The following GUCY2C variants were observed in gnomAD, a reference collection of about 807,000 sequenced individuals.
GUCY2C encodes guanylate cyclase 2C, also known as guanylyl cyclase C.
A neutral mutation model predicts 131.1 loss-of-function variants in GUCY2C; 118 were observed. That is an observed-to-expected ratio of 0.90 (90% confidence interval 0.78 to 1.05). GUCY2C has a LOEUF of 1.05. Among genes scored for constraint, GUCY2C ranks in the 50% least tolerant of loss-of-function variants. GUCY2C has a pLI of 0.00. For synonymous variants in GUCY2C, 452 were observed against 457.8 expected, an observed-to-expected ratio of 0.99 and a Z score of 0.16; for missense variants, 1,161 against 1,304.4, an observed-to-expected ratio of 0.89 and a Z score of 1.69.
chr12:14,638,860 G>C (rs895645744), intron 19 of GUCY2C, among the ~76,000 whole-genome samples: 3 of 152,158 alleles, frequency 2.0e-5, no homozygotes, highest in Non-Finnish European at 2.9e-5. Flanking sequence ...GAGAGGACTT[G>C]AAATGTTCCC....
Position 14,669,724 on chromosome 12 carries a change from C to G in GUCY2C, c.1280G>C (p.Arg427Pro). 1 of 1,485,178 alleles carries G rather than the reference C, an allele frequency of 6.7e-7. No individual in the cohort carries two copies. Among genetic ancestry groups the G allele is most frequent in the South Asian group, 1.2e-5 (1 of 85,854 alleles). The allele number at this position is 1,485,178 out of a possible 1,614,324, so 92.0% of individuals were successfully genotyped here. A position where few individuals can be genotyped will look rare whatever the true frequency, so the allele number is the denominator to read the frequency against. ...NSKLPNDITG[R>P]GPQILMIAVF... is the part of the protein sequence containing the mutation. ...AAAATTCATTAGGGATATCTTACCC[C>G]GGCCTGTAATATCATTAGGAAGTTT... The change falls in exon 10 of 27, where the codon CGG (arginine) becomes CCG (proline). Residue 427 changes from arginine (R) to proline (P), a missense_variant and splice_region_variant. Transcript: ENST00000261170.
intron 12 of GUCY2C, among the ~76,000 whole-genome samples, chr12:14,655,212 T>C (rs1947739855): frequency 6.6e-6 from 1 of 152,264 alleles, no homozygotes; most frequent in Non-Finnish European, 1.5e-5. Context: ...TCCAGTGTTT[T>C]TCTTTTAACA....
chr12:14,638,506 A>G (rs1370075290), intron 19 of GUCY2C, among the ~76,000 whole-genome samples: 1 of 152,238 alleles, frequency 6.6e-6, no homozygotes. Context: ...AAAATGCAGG[A>G]TGTGTACACA....
intron 15 of GUCY2C, among the ~76,000 whole-genome samples, chr12:14,650,082 G>T (rs969192512): frequency 5.9e-5 from 9 of 151,984 alleles, no homozygotes; most frequent in Non-Finnish European, 1.2e-4. Flanking sequence ...GAAGTGAAAG[G>T]CTTGTATGCT....
At chr12:14,694,041 G>C (rs2137116424) in intron 1 of GUCY2C, among the ~76,000 whole-genome samples, 1 of 152,350 alleles carries the variant, frequency 6.6e-6, no homozygotes, top group East Asian at 1.9e-4. Context: ...GTTTCAGTCA[G>C]TGAAGGAGGT....
chr12:14,653,387 G>A (rs1947704687), intron 12 of GUCY2C, among the ~76,000 whole-genome samples: 1 of 152,212 alleles, frequency 6.6e-6, no homozygotes, highest in Non-Finnish European at 1.5e-5. Context: ...GCACACTCAT[G>A]CCTAAAGGCC....
chr12:14,661,588 G>A (rs1380598027), intron 10 of GUCY2C, among the ~76,000 whole-genome samples: 2 of 151,908 alleles, frequency 1.3e-5, no homozygotes, highest in Non-Finnish European at 2.9e-5. Context: ...ACAGGTGTGC[G>A]CCACCATGCC....
intron 21 of GUCY2C, 88 bp from the exon 22 acceptor site, chr12:14,622,285 T>A: frequency 1.3e-6 from 1 of 760,060 alleles, no homozygotes. Context: ...AGTGATTGTC[T>A]ACCAAGAATT....
intron 19 of GUCY2C, among the ~76,000 whole-genome samples, chr12:14,629,749 A>G (rs1947102292): frequency 6.6e-6 from 1 of 152,236 alleles, no homozygotes; most frequent in Admixed American, 6.5e-5. Context: ...ATAGCAAACA[A>G]TAGTATCACC....
chr12:14,674,347 C>T (rs1948180946), intron 8 of GUCY2C: 3 of 454,096 alleles, frequency 6.6e-6, no homozygotes, highest in Non-Finnish European at 1.2e-5. Flanking sequence ...CATTACTGCT[C>T]AAAATGCCTT....
chr12:14,680,561 C>T (rs538901478), intron 5 of GUCY2C, among the ~76,000 whole-genome samples: 1 of 152,162 alleles, frequency 6.6e-6, no homozygotes, highest in African/African-American at 2.4e-5. Flanking sequence ...AGTATCTTTC[C>T]TTGTAGAAAA....
chr12:14,678,929 C>T (rs1338257433), intron 6 of GUCY2C, among the ~76,000 whole-genome samples: 5 of 152,170 alleles, frequency 3.3e-5, no homozygotes, highest in Admixed American at 6.5e-5. Flanking sequence ...GTGCTCTCTA[C>T]GCTCCAGCAT....
In GUCY2C at chr12:14,643,694, G is replaced by C; in HGVS notation, c.1810C>G (p.Leu604Val). 1 of 1,612,204 alleles carries C rather than the reference G, an allele frequency of 6.2e-7. No homozygotes were observed. Among genetic ancestry groups the C allele is most frequent in the Non-Finnish European group, 8.5e-7 (1 of 1,178,466 alleles). Reference sequence around the variant, plus strand: ...TGGACTTCTGTCTTACTGGAGTGCAGATATGACATTCCCTGTAATTTTTTA... The same window carrying C: ...TGGACTTCTGTCTTACTGGAGTGCACATATGACATTCCCTGTAATTTTTTA... ...LYDIAKGMSY[L>V]HSSKTEVHGR... is the part of the protein sequence containing the mutation. The change falls in exon 17 of 27, where the codon CTG becomes GTG. Residue 604 changes from leucine (L) to valine (V), a missense_variant. Coordinates refer to ENST00000261170, the MANE Select transcript of GUCY2C (RefSeq NM_004963.4).
At chr12:14,688,163 T>TTTC in intron 1 of GUCY2C, 100 bp from the exon 2 acceptor site, 1 of 752,768 alleles carries the variant, frequency 1.3e-6, no homozygotes, top group Non-Finnish European at 2.3e-6. Context: ...ATATCCATTT[T>TTTC]CAGGCCTAGG....
chr12:14,681,243 G>A (rs901518287), intron 5 of GUCY2C, 113 bp downstream of exon 5: 3 of 868,854 alleles, frequency 3.5e-6, no homozygotes, highest in Middle Eastern at 3.0e-4. Flanking sequence ...TACAAAATAT[G>A]TATGAGTAAG....
chr12:14,681,481 G>T lies in GUCY2C; in HGVS notation c.612-4C>A. 6.8e-7 allele frequency: 1 copy of T among 1,474,186 alleles called. No homozygotes were observed. Among genetic ancestry groups the T allele is most frequent in the Non-Finnish European group, 9.0e-7 (1 of 1,108,674 alleles). 91.3% of individuals were successfully genotyped at this position (1,474,186 alleles called of 1,614,324 possible). On this transcript the variant is annotated splice_polypyrimidine_tract_variant and splice_region_variant and intron_variant, in intron 4 of 26. Transcript: ENST00000261170. ...AGCCTCCAGAGCATTAAGGTACCTG[G>T]AATAGGAAAAAGAGAAACTAAAACA...
At chr12:14,653,842 G>A (rs997796779) in intron 12 of GUCY2C, among the ~76,000 whole-genome samples, 1 of 152,292 alleles carries the variant, frequency 6.6e-6, no homozygotes, top group Middle Eastern at 3.4e-3. Context: ...ACAAATGTCA[G>A]TTATCATCAT....
At chr12:14,636,760 A>G (rs987936318) in intron 19 of GUCY2C, among the ~76,000 whole-genome samples, 4 of 152,156 alleles carry the variant, frequency 2.6e-5, no homozygotes, top group Non-Finnish European at 5.9e-5. Flanking sequence ...AAAAGCTCTT[A>G]GATATGATAA....
intron 1 of GUCY2C, among the ~76,000 whole-genome samples, chr12:14,693,810 A>C (rs761304170): frequency 1.1e-4 from 16 of 152,246 alleles, no homozygotes; most frequent in Admixed American, 1.3e-4. Context: ...GGAGATGATA[A>C]ATAACTCACC....
Sources: allele counts gnomAD v4.1 joint callset (sites outside exome capture counted in the v4.1 genomes callset), GRCh38; gene constraint gnomAD v4.1.1; transcripts MANE v1.5; gene names NCBI Gene and HGNC (gene_info 2026-07-23, HGNC 2026-07-21).